Variants in SLC44A3 observed in about 807,000 individuals in gnomAD.
SLC44A3 encodes choline transporter-like protein 3.
Under a neutral mutation model 75.4 loss-of-function variants are expected in SLC44A3, and 74 were observed. That is an observed-to-expected ratio of 0.98 (90% CI 0.81 to 1.19). SLC44A3 has a LOEUF of 1.19. SLC44A3 is among the 50% of genes most tolerant of loss of function. The pLI is 0.00. For missense variants in SLC44A3, 700 were observed against 778.6 expected (o/e 0.90, Z 1.20); for synonymous variants, 310 against 296.9 (o/e 1.04, Z -0.45).
At position 94,865,689 on chromosome 1, in the gene SLC44A3, T is replaced by A. The variant is rs536004462; in HGVS notation, c.1395+790T>A. Among the ~76,000 whole-genome samples the A allele has an allele frequency of 4.6e-5, 7 of 152,300 alleles. No individual in the cohort carries two copies. The South Asian group carries it at 1.5e-3, about 32-fold the overall frequency. On this transcript the variant is annotated intron_variant, in intron 11 of 14. Coordinates refer to ENST00000271227, the MANE Select transcript of SLC44A3 (RefSeq NM_001114106.3). ...CAAGTCTTCTGTTCTCACACAATGT[T>A]AATCTCTTCCCCCGTCACCACCTTA...
chr1:94,873,480 A>G (rs1236378303), intron 12 of SLC44A3, among the ~76,000 whole-genome samples: 5 of 152,156 alleles, frequency 3.3e-5, no homozygotes, highest in Non-Finnish European at 7.3e-5. Flanking sequence ...CTGGGGAAAT[A>G]TACACCTCTC....
At chr1:94,878,909 C>T (rs1026852510) in intron 12 of SLC44A3, among the ~76,000 whole-genome samples, 1 of 152,126 alleles carries the variant, frequency 6.6e-6, no homozygotes, top group Non-Finnish European at 1.5e-5. Context: ...GGGACCCTTA[C>T]CTTATACAGG....
intron 11 of SLC44A3, 68 bp downstream of exon 11, chr1:94,864,967 CT>C: frequency 1.3e-6 from 2 of 1,543,818 alleles, no homozygotes; most frequent in Non-Finnish European, 1.8e-6. Flanking sequence ...TACTGGAAAA[CT>C]ACAGCAGGTC....
In SLC44A3 at chr1:94,879,473, G is replaced by A. The variant is rs370323182; in HGVS notation, c.1483-11657G>A. On this transcript the variant is annotated intron_variant, in intron 12 of 14. Coordinates refer to ENST00000271227, the MANE Select transcript of SLC44A3 (RefSeq NM_001114106.3). ...CTTGAACCTGGGAGGCAGAGGTTGC[G>A]GTGAGCCGGGATCATGCCACTGCAC... Among the ~76,000 whole-genome samples the A allele has an allele frequency of 1.1e-4, 17 of 149,948 alleles. 1 individual carries two copies. Among genetic ancestry groups the A allele is most frequent in the Admixed American group, 8.6e-4 (13 of 15,060 alleles).
At chr1:94,839,248 C>T (rs183057303) in intron 6 of SLC44A3, among the ~76,000 whole-genome samples, 241 of 152,096 alleles carry the variant, frequency 1.6e-3, no homozygotes, top group African/African-American at 5.5e-3. Context: ...TACCTTAGAA[C>T]ATGTAAAGTT....
chr1:94,894,471 CTT>C lies in SLC44A3; in HGVS notation c.1858-344_1858-343del, dbSNP rs534216946. 9.7e-4 allele frequency among the ~76,000 whole-genome samples: 147 copies of C among 152,312 alleles called. 1 individual carries two copies. The highest frequency in any genetic ancestry group is 3.3e-3 in the African/African-American group (137 of 41,572). On this transcript the variant is annotated intron_variant, in intron 14 of 14. Coordinates refer to ENST00000271227, the MANE Select transcript of SLC44A3 (RefSeq NM_001114106.3). ...AATTCAGTCAACACACCTGGACAGA[CTT>C]TTGTCACAAACCACTGTCCTGTGGG...
intron 12 of SLC44A3, among the ~76,000 whole-genome samples, chr1:94,879,328 T>C (rs559951071): frequency 1.3e-5 from 2 of 151,236 alleles, no homozygotes; most frequent in South Asian, 4.2e-4. Context: ...GGTCAGGAGT[T>C]TGAAACCAGC....
Position 94,894,935 on chromosome 1 carries a change from G to T in SLC44A3, c.*13G>T, listed in dbSNP as rs148748567. 2.2e-4 allele frequency: 357 copies of T among 1,589,290 alleles called. 5 individuals are homozygous for T. In the East Asian group the frequency reaches 7.9e-3, roughly 35 times the overall value. On this transcript the variant is annotated 3_prime_UTR_variant, in exon 15 of 15. Coordinates refer to ENST00000271227, the MANE Select transcript of SLC44A3 (RefSeq NM_001114106.3). The stretch of plus-strand genomic sequence containing the variant: ...CATTGTGAGATAGATACCCATTTAG[G>T]TATCTGTACCTGGAAAACATTTCCT...
At chr1:94,877,498 G>A (rs1195278823) in intron 12 of SLC44A3, among the ~76,000 whole-genome samples, 1 of 152,118 alleles carries the variant, frequency 6.6e-6, no homozygotes, top group African/African-American at 2.4e-5. Flanking sequence ...ACACAAGGCG[G>A]AGAAACAGAA....
chr1:94,820,358 G>GA lies in SLC44A3; in HGVS notation c.-94_-93insA. ...GGCTCCAGCCCCAGCCCCAGCCCCA[G>GA]CCCCGGCCCCGGCCCCGGCTCGCGG... On this transcript the variant is annotated 5_prime_UTR_variant, in exon 1 of 15. Transcript: ENST00000271227. The GA allele has an allele frequency of 7.9e-7, 1 of 1,263,544 alleles. No homozygotes were observed. Among genetic ancestry groups the GA allele is most frequent in the Non-Finnish European group, 1.0e-6 (1 of 998,600 alleles). The allele number at this position is 1,263,544 out of a possible 1,614,324, so 78.3% of individuals were successfully genotyped here.
At chr1:94,851,344 T>C (rs1284695420) in intron 9 of SLC44A3, among the ~76,000 whole-genome samples, 2 of 152,340 alleles carry the variant, frequency 1.3e-5, no homozygotes, top group East Asian at 3.9e-4. Context: ...GTACTTGAGA[T>C]ACAGCAGTGA....
chr1:94,847,959 T>C (rs1664637042), intron 9 of SLC44A3, among the ~76,000 whole-genome samples: 1 of 152,144 alleles, frequency 6.6e-6, no homozygotes, highest in East Asian at 1.9e-4. Context: ...CCGGGTGCAG[T>C]GGCTCACGCC....
At chr1:94,823,893 A>G (rs11590142) in intron 2 of SLC44A3, among the ~76,000 whole-genome samples, 18,212 of 152,194 alleles carry the variant, frequency 0.12, 1,410 homozygotes, top group South Asian at 0.18. Flanking sequence ...CACATTCACT[A>G]TGAGAGTGGA....
At chr1:94,859,849 AGAGG>A (rs1373874601) in intron 10 of SLC44A3, among the ~76,000 whole-genome samples, 157 of 152,358 alleles carry the variant, frequency 1.0e-3, no homozygotes, top group African/African-American at 3.6e-3. Context: ...TTCCCTAGGA[AGAGG>A]TTAGAGGATG....
intron 12 of SLC44A3, among the ~76,000 whole-genome samples, chr1:94,883,057 G>A (rs997302724): frequency 2.0e-5 from 3 of 151,450 alleles, no homozygotes; most frequent in Non-Finnish European, 4.4e-5. Flanking sequence ...CCCACAGAGA[G>A]GCCAGGGGTC....
chr1:94,844,477 G>A (rs1049315724), intron 8 of SLC44A3, among the ~76,000 whole-genome samples: 2 of 152,196 alleles, frequency 1.3e-5, no homozygotes, highest in Admixed American at 1.3e-4. Context: ...TCAAGAAGCA[G>A]CAATTAAAGA....
At chr1:94,889,558 G>A (rs1355697391) in intron 12 of SLC44A3, among the ~76,000 whole-genome samples, 1 of 83,646 alleles carries the variant, frequency 1.2e-5, no homozygotes, top group Non-Finnish European at 3.0e-5. Flanking sequence ...ACACACATTT[G>A]TAGTCTTTGA....
chr1:94,839,852 G>A (rs566488604), intron 6 of SLC44A3, 96 bp from the exon 7 acceptor site: 38 of 838,604 alleles, frequency 4.5e-5, no homozygotes, highest in African/African-American at 2.0e-4. Context: ...ATCCTCAGCC[G>A]TCACTGTTCT....
Position 94,828,504 on chromosome 1 carries a change from T to C in SLC44A3, c.427T>C (p.Cys143Arg), listed in dbSNP as rs751955532. 2.5e-6 allele frequency: 4 copies of C among 1,613,530 alleles called. No homozygotes were observed. The African/African-American group carries it at 5.3e-5, about 22-fold the overall frequency. ...FFANTSGSFL[C>R]VYSLNSFNYT... is the part of the protein sequence containing the mutation. ...TGTTCTGCTTCCAGGGTCCTTCCTG[T>C]GTGTTTATAGTTTGAATTCCTTCAA... Residue 143 changes from cysteine (C) to arginine (R), a missense_variant, in exon 5 of 15, where the codon TGT becomes CGT. Coordinates refer to ENST00000271227, the MANE Select transcript of SLC44A3 (RefSeq NM_001114106.3).
Sources: gnomAD v4.1 joint callset for allele counts (sites outside exome capture counted in the v4.1 genomes callset) on GRCh38, gnomAD v4.1.1 for gene constraint, MANE v1.5 for transcripts, NCBI Gene and HGNC (gene_info 2026-07-23, HGNC 2026-07-21) for gene names.